Variants in IKZF2 observed in about 807,000 individuals in gnomAD.
IKZF2 encodes the protein IKAROS family zinc finger 2, also known as zinc finger protein Helios.
A neutral mutation model predicts 49.2 loss-of-function variants in IKZF2; 15 were observed. The ratio of observed to expected loss-of-function variants is 0.30; its 90% CI spans 0.20 to 0.47. The LOEUF is 0.47. IKZF2 is among the 20% of genes least tolerant of loss of function. IKZF2 has a pLI of 1.00. For missense variants in IKZF2, 567 were observed against 664.6 expected, an observed-to-expected ratio of 0.85 and a Z score of 1.61; for synonymous variants, 227 against 221.4, an observed-to-expected ratio of 1.03 and a Z score of -0.23.
At chr2:213,103,749 A>G (rs1390539717) in intron 4 of IKZF2, among the ~76,000 whole-genome samples, 1 of 152,118 alleles carries the variant, frequency 6.6e-6, no homozygotes, top group East Asian at 1.9e-4. Flanking sequence ...TTTAAAGTCT[A>G]TATAGATGTG....
At chr2:213,028,626 T>C (rs1039612289) in intron 6 of IKZF2, among the ~76,000 whole-genome samples, 3 of 152,194 alleles carry the variant, frequency 2.0e-5, no homozygotes, top group African/African-American at 4.8e-5. Context: ...TTTGGGATGT[T>C]ATAATCAATG....
intron 7 of IKZF2, among the ~76,000 whole-genome samples, chr2:213,018,246 G>A (rs1248695596): frequency 6.6e-6 from 1 of 151,790 alleles, no homozygotes; most frequent in Non-Finnish European, 1.5e-5. Context: ...AATTAAATAA[G>A]ATAAATAATC....
intron 4 of IKZF2, among the ~76,000 whole-genome samples, chr2:213,141,168 G>T (rs2060853389): frequency 6.6e-6 from 1 of 151,886 alleles, no homozygotes; most frequent in South Asian, 2.1e-4. Context: ...CCCAAGTACT[G>T]TCTACTTTAA....
At chr2:213,136,966 A>G (rs919020543) in intron 4 of IKZF2, among the ~76,000 whole-genome samples, 4 of 152,144 alleles carry the variant, frequency 2.6e-5, no homozygotes, top group African/African-American at 9.7e-5. Context: ...ATATCTCTTC[A>G]AATTTGTTAC....
At chr2:213,119,056 A>G (rs1350255458) in intron 4 of IKZF2, among the ~76,000 whole-genome samples, 1 of 152,224 alleles carries the variant, frequency 6.6e-6, no homozygotes, top group Non-Finnish European at 1.5e-5. Context: ...AGCTGGGGAA[A>G]GGGTTCCTAG....
intron 4 of IKZF2, among the ~76,000 whole-genome samples, chr2:213,060,485 C>G (rs1260908666): frequency 6.6e-6 from 1 of 151,248 alleles, no homozygotes; most frequent in Admixed American, 6.6e-5. Context: ...TTTGGTAACA[C>G]AAAGACATCC....
chr2:213,040,534 G>A (rs1031569973), intron 6 of IKZF2, among the ~76,000 whole-genome samples: 1 of 151,970 alleles, frequency 6.6e-6, no homozygotes, highest in South Asian at 2.1e-4. Flanking sequence ...AAATATACCT[G>A]AAATGCTAAT....
At chr2:213,044,567 C>T (rs879937147) in intron 6 of IKZF2, among the ~76,000 whole-genome samples, 18 of 152,118 alleles carry the variant, frequency 1.2e-4, no homozygotes, top group African/African-American at 3.1e-4. Context: ...GAAGGATGTA[C>T]GACGCAGGGT....
chr2:213,142,866 C>T (rs1384630584), intron 4 of IKZF2, among the ~76,000 whole-genome samples: 1 of 151,838 alleles, frequency 6.6e-6, no homozygotes, highest in Non-Finnish European at 1.5e-5. Flanking sequence ...AAAGGATGCC[C>T]CTCTACCTTC....
chr2:213,128,804 C>CT (rs1184422126), intron 4 of IKZF2, among the ~76,000 whole-genome samples: 47,044 of 113,166 alleles, frequency 0.42, 11,320 homozygotes, highest in East Asian at 0.84. Flanking sequence ...ATTTTTTTTT[C>CT]TTTTTTTTTT....
intron 4 of IKZF2, among the ~76,000 whole-genome samples, chr2:213,109,823 T>C (rs1379353240): frequency 6.6e-6 from 1 of 151,998 alleles, no homozygotes; most frequent in African/African-American, 2.4e-5. Flanking sequence ...GCATATTGTA[T>C]AAAAATGGTA....
At chr2:213,147,156 C>G (rs562723353) in intron 4 of IKZF2, among the ~76,000 whole-genome samples, 4 of 152,240 alleles carry the variant, frequency 2.6e-5, no homozygotes, top group African/African-American at 9.6e-5. Flanking sequence ...CAAATTTTAT[C>G]AGTTCTTCTC....
intron 4 of IKZF2, among the ~76,000 whole-genome samples, chr2:213,073,396 C>T (rs2125506344): frequency 6.6e-6 from 1 of 152,106 alleles, no homozygotes; most frequent in Non-Finnish European, 1.5e-5. Context: ...ATATTTACCA[C>T]AGAAGAAGTA....
rs1041141159 is a variant in IKZF2 at position 213,089,522 on chromosome 2, C to T, written c.140-32423G>A. On this transcript the variant is annotated intron_variant, in intron 4 of 8. Coordinates refer to ENST00000434687, the MANE Select transcript of IKZF2 (RefSeq NM_001387220.1). ...CCACTGTAACCAAACCAAACTGGTACCCTTGCTGTTCCTCAAGTACACCAA... is the reference window on the plus strand; with the variant it reads ...CCACTGTAACCAAACCAAACTGGTATCCTTGCTGTTCCTCAAGTACACCAA... 2.0e-5 allele frequency among the ~76,000 whole-genome samples: 3 copies of T among 152,168 alleles called. No individual in the cohort carries two copies. The South Asian group carries it at 6.2e-4, about 32-fold the overall frequency.
intron 4 of IKZF2, among the ~76,000 whole-genome samples, chr2:213,141,471 G>C (rs763364458): frequency 2.6e-5 from 4 of 151,708 alleles, no homozygotes; most frequent in Non-Finnish European, 4.4e-5. Flanking sequence ...AGTCATTCCT[G>C]GCCTCGAATT....
chr2:213,048,694 C>G (rs1437624043), intron 6 of IKZF2, among the ~76,000 whole-genome samples: 2 of 151,936 alleles, frequency 1.3e-5, no homozygotes, highest in African/African-American at 4.8e-5. Flanking sequence ...TTTGTAACTG[C>G]CCCAAATTTA....
intron 7 of IKZF2, among the ~76,000 whole-genome samples, chr2:213,016,459 A>T (rs759753119): frequency 6.6e-6 from 1 of 152,074 alleles, no homozygotes; most frequent in South Asian, 2.1e-4. Flanking sequence ...GACCTGATAC[A>T]TTTTTCCTTA....
intron 5 of IKZF2, among the ~76,000 whole-genome samples, chr2:213,056,412 G>A (rs1233701687): frequency 6.6e-6 from 1 of 152,078 alleles, no homozygotes; most frequent in African/African-American, 2.4e-5. Flanking sequence ...GGAGTTAACT[G>A]GATAAAGTGA....
At chr2:213,110,148 A>T (rs1432351218) in intron 4 of IKZF2, among the ~76,000 whole-genome samples, 3 of 152,014 alleles carry the variant, frequency 2.0e-5, no homozygotes, top group African/African-American at 7.2e-5. Flanking sequence ...TTCTCAAAAA[A>T]ACTAATATTT....
Sources: allele counts gnomAD v4.1 joint callset (sites outside exome capture counted in the v4.1 genomes callset), GRCh38; gene constraint gnomAD v4.1.1; transcripts MANE v1.5; gene names NCBI Gene and HGNC (gene_info 2026-07-23, HGNC 2026-07-21).